Variants in MROH7 observed in about 807,000 individuals in gnomAD.
The protein encoded by MROH7 is maestro heat-like repeat-containing protein family member 7.
Under a neutral mutation model 129.2 loss-of-function variants are expected in MROH7, and 113 were observed. The ratio of observed to expected loss-of-function variants is 0.87; its 90% CI spans 0.75 to 1.02. MROH7 has a LOEUF of 1.02. MROH7 is among the 50% of genes least tolerant of loss of function. MROH7 has a pLI of 0.00. For missense variants in MROH7, 1,601 were observed against 1,671.3 expected, an observed-to-expected ratio of 0.96 and a Z score of 0.73; for synonymous variants, 655 against 667.9, an observed-to-expected ratio of 0.98 and a Z score of 0.30.
chr1:54,646,772 T>G (rs542667662), intron 1 of MROH7, among the ~76,000 whole-genome samples: 1 of 152,332 alleles, frequency 6.6e-6, no homozygotes, highest in Non-Finnish European at 1.5e-5. Flanking sequence ...CTATACCCAT[T>G]AAGCAGTCAC....
intron 13 of MROH7, among the ~76,000 whole-genome samples, chr1:54,682,216 C>G (rs1354479046): frequency 6.9e-6 from 1 of 145,788 alleles, no homozygotes; most frequent in Non-Finnish European, 1.5e-5. Flanking sequence ...GGCTGGAGTG[C>G]ACTGCTGGCG....
chr1:54,679,747 G>A (rs2101130512), intron 12 of MROH7, 144 bp from the exon 13 acceptor site: 2 of 829,554 alleles, frequency 2.4e-6, no homozygotes, highest in East Asian at 2.5e-5. Flanking sequence ...CAGGCGCTCT[G>A]CTTGCCTCTT....
chr1:54,700,535 A>C, intron 18 of MROH7, 74 bp downstream of exon 18: 1 of 1,443,502 alleles, frequency 6.9e-7, no homozygotes, highest in Non-Finnish European at 9.3e-7. Flanking sequence ...TCACCATTAT[A>C]GTACCTCAGA....
At position 54,679,207 on chromosome 1, in the gene MROH7, A is replaced by G. The variant is rs146164762; in HGVS notation, c.2050-56A>G. Reference sequence around the variant, plus strand: ...TTGTGCCTCTGTGCACAAAGCTCGAAGCTCAAAGCTCGGGCTACCCATCAG... The same window carrying G: ...TTGTGCCTCTGTGCACAAAGCTCGAGGCTCAAAGCTCGGGCTACCCATCAG... On this transcript the variant is annotated intron_variant, in intron 11 of 23. Transcript: ENST00000421030. The G allele has an allele frequency of 7.0e-6, 11 of 1,581,904 alleles. 1 individual carries two copies. The African/African-American group carries it at 1.1e-4, about 15-fold the overall frequency.
At chr1:54,699,098 C>CTTTTTTTTTTTTT (rs1398016916) in intron 17 of MROH7, 2 of 40,788 alleles carry the variant, frequency 4.9e-5, no homozygotes, top group African/African-American at 1.5e-4. Context: ...CTGGCCTTTT[C>CTTTTTTTTTTTTT]TTTCTTTCTT....
At chr1:54,681,860 C>T (rs1645073536) in intron 13 of MROH7, among the ~76,000 whole-genome samples, 1 of 152,174 alleles carries the variant, frequency 6.6e-6, no homozygotes, top group South Asian at 2.1e-4. Flanking sequence ...AGACATCAGG[C>T]CTGGCCATAT....
At chr1:54,702,950 C>T (rs1645463803) in intron 21 of MROH7, among the ~76,000 whole-genome samples, 1 of 152,126 alleles carries the variant, frequency 6.6e-6, no homozygotes, top group African/African-American at 2.4e-5. Flanking sequence ...GCATACCTCC[C>T]ACGATGATCA....
chr1:54,706,432 T>C lies in MROH7; in HGVS notation c.3565-3T>C. On this transcript the variant is annotated splice_polypyrimidine_tract_variant and splice_region_variant and intron_variant, in intron 21 of 23. Transcript: ENST00000421030. ...GCACTTTTGGGGTTTCTCTTTGTCC[T>C]AGGTGAACACCCACCGAGACAGCGC... is the stretch of plus-strand genomic sequence containing the variant. 1 of 1,610,758 alleles carries C rather than the reference T, an allele frequency of 6.2e-7. No homozygotes were observed. The highest frequency in any genetic ancestry group is 8.5e-7 in the Non-Finnish European group (1 of 1,178,218).
At chr1:54,642,810 TTGCCA>T (rs67895518) in intron 1 of MROH7, among the ~76,000 whole-genome samples, 7,271 of 152,208 alleles carry the variant, frequency 0.048, 222 homozygotes, top group Middle Eastern at 0.11. Flanking sequence ...TGACGCGGTT[TTGCCA>T]TGTTGTTCAG....
Position 54,661,890 on chromosome 1 carries a change from CT to C in MROH7, c.1232-3276del, listed in dbSNP as rs1644737909. Among the ~76,000 whole-genome samples the C allele has an allele frequency of 3.3e-5, 5 of 152,222 alleles. No homozygotes were observed. The South Asian group carries it at 8.3e-4, about 25-fold the overall frequency. On this transcript the variant is annotated intron_variant, in intron 3 of 23. Transcript: ENST00000421030. ...GTATTACAGGTGTGAGCCACCGCCCCTGGCCTTAAAAATATTTTTTAAATGA... is the reference window on the plus strand; with the variant it reads ...GTATTACAGGTGTGAGCCACCGCCCCGGCCTTAAAAATATTTTTTAAATGA...
intron 1 of MROH7, chr1:54,651,327 C>T (rs752468): frequency 0.31 from 47,872 of 152,052 alleles, 7,670 homozygotes; most frequent in South Asian, 0.51. Flanking sequence ...AGCCAAGAGA[C>T]GGGAAGGAAC....
intron 13 of MROH7, 61 bp downstream of exon 13, chr1:54,680,106 A>C: frequency 6.5e-7 from 1 of 1,536,296 alleles, no homozygotes; most frequent in Non-Finnish European, 9.0e-7. Context: ...CCCCCACCCC[A>C]GGTTGGGGAC....
At chr1:54,663,712 A>AC (rs1557698883) in intron 3 of MROH7, 19 of 412,592 alleles carry the variant, frequency 4.6e-5, no homozygotes, top group Non-Finnish European at 8.0e-5. Flanking sequence ...CAAAAAAAAA[A>AC]CAAGCTTTTG....
At chr1:54,700,092 C>G (rs1645408198) in intron 17 of MROH7, 1 of 699,278 alleles carries the variant, frequency 1.4e-6, no homozygotes, top group African/African-American at 1.8e-5. Context: ...ATGGGAAAGG[C>G]AACAACAAGC....
chr1:54,701,641 C>T (rs1021181711), intron 19 of MROH7, among the ~76,000 whole-genome samples: 1 of 152,196 alleles, frequency 6.6e-6, no homozygotes. Flanking sequence ...AGTGCAGTGG[C>T]AAGATCTCAG....
chr1:54,703,216 A>G lies in MROH7; in HGVS notation c.3564+471A>G, dbSNP rs564711326. Reference sequence around the variant, plus strand: ...GTTAGGCTATTGGCCCAGCCACCCAAGGGGTCTCCCAGCCTTTAACTCCAT... The same window carrying G: ...GTTAGGCTATTGGCCCAGCCACCCAGGGGGTCTCCCAGCCTTTAACTCCAT... On this transcript the variant is annotated intron_variant, in intron 21 of 23. Coordinates refer to ENST00000421030, the MANE Select transcript of MROH7 (RefSeq NM_001039464.4). The surrounding 1 kb of genome is among the most constrained non-coding windows in gnomAD (Gnocchi z 4.4). Among the ~76,000 whole-genome samples the G allele has an allele frequency of 6.6e-6, 1 of 152,218 alleles. No individual in the cohort carries two copies. Among genetic ancestry groups the G allele is most frequent in the East Asian group, 1.9e-4 (1 of 5,170 alleles).
chr1:54,680,695 T>C (rs375234788), intron 13 of MROH7, among the ~76,000 whole-genome samples: 1 of 152,180 alleles, frequency 6.6e-6, no homozygotes, highest in Non-Finnish European at 1.5e-5. Flanking sequence ...GGCCTCAGCC[T>C]CCCACCCAGG....
At chr1:54,701,793 C>T (rs1038748469) in intron 19 of MROH7, among the ~76,000 whole-genome samples, 5 of 152,106 alleles carry the variant, frequency 3.3e-5, no homozygotes, top group Non-Finnish European at 4.4e-5. Context: ...GTCTTGAACT[C>T]CTGGGACTCA....
chr1:54,706,515 G>T lies in MROH7; in HGVS notation c.3645G>T (p.Arg1215=), dbSNP rs1415492547. 1 of 1,613,370 alleles carries T rather than the reference G, an allele frequency of 6.2e-7. No individual in the cohort carries two copies. Among genetic ancestry groups the T allele is most frequent in the Non-Finnish European group, 8.5e-7 (1 of 1,179,842 alleles). The change falls in exon 22 of 24, where the codon CGG becomes CGT. Residue 1215 remains arginine (R), a synonymous_variant. Coordinates refer to ENST00000421030, the MANE Select transcript of MROH7 (RefSeq NM_001039464.4). The part of the protein sequence containing the change: ...EYAKNSRASL[R]KCSVMFIGSL... ...CCAAGAACTCACGGGCCTCCCTCCG[G>T]AAGTGCTCAGTCATGTTCATAGGTA...
Sources: allele counts gnomAD v4.1 joint callset (sites outside exome capture counted in the v4.1 genomes callset), GRCh38; gene constraint gnomAD v4.1.1; non-coding constraint Gnocchi (gnomAD v3.1); transcripts MANE v1.5; gene names NCBI Gene and HGNC (gene_info 2026-07-23, HGNC 2026-07-21).